Variants in GPC6 observed in about 807,000 individuals in gnomAD.
GPC6 encodes the protein glypican-6.
GPC6 carries 14 observed loss-of-function variants against 55.2 expected under a neutral mutation model. That is an observed-to-expected ratio of 0.25 (90% CI 0.17 to 0.40). The LOEUF is 0.40. GPC6 is among the 10% of genes least tolerant of loss of function. The pLI, the probability that GPC6 is intolerant of heterozygous loss-of-function variation, is 1.00. For synonymous variants in GPC6, 278 were observed against 259.6 expected (o/e 1.07, Z -0.68); for missense variants, 641 against 708.5 (o/e 0.90, Z 1.08).
chr13:93,787,684 G>A (rs999646285), intron 2 of GPC6, among the ~76,000 whole-genome samples: 4 of 152,156 alleles, frequency 2.6e-5, no homozygotes, highest in African/African-American at 4.8e-5. Context: ...GCTAGGAACA[G>A]TTGATTTATT....
At chr13:93,382,556 T>C (rs1875224974) in intron 1 of GPC6, among the ~76,000 whole-genome samples, 2 of 152,206 alleles carry the variant, frequency 1.3e-5, no homozygotes. Context: ...TATGTTGTTA[T>C]AATTTCTGCA....
At chr13:93,642,815 T>C (rs893475118) in intron 2 of GPC6, among the ~76,000 whole-genome samples, 20 of 152,120 alleles carry the variant, frequency 1.3e-4, no homozygotes, top group African/African-American at 4.8e-4. Context: ...TGTTTAACAG[T>C]ATTCTACGGC....
intron 3 of GPC6, among the ~76,000 whole-genome samples, chr13:94,020,261 G>T (rs1882645928): frequency 6.6e-6 from 1 of 152,000 alleles, no homozygotes; most frequent in East Asian, 1.9e-4. Context: ...AAACGTATGT[G>T]GTTTAATTTT....
chr13:93,988,105 G>A (rs1166845915), intron 3 of GPC6, among the ~76,000 whole-genome samples: 2 of 152,168 alleles, frequency 1.3e-5, no homozygotes, highest in Non-Finnish European at 2.9e-5. Context: ...ACCACGGGTA[G>A]TTTTTAAAGA....
intron 4 of GPC6, among the ~76,000 whole-genome samples, chr13:94,104,681 C>G (rs1885988024): frequency 6.6e-6 from 1 of 152,050 alleles, no homozygotes; most frequent in Non-Finnish European, 1.5e-5. Context: ...AACAGACAAA[C>G]AGAGAGCCAA....
chr13:93,979,965 G>T (rs917125060), intron 3 of GPC6, among the ~76,000 whole-genome samples: 1 of 151,996 alleles, frequency 6.6e-6, no homozygotes, highest in Non-Finnish European at 1.5e-5. Context: ...CAAGTACTAA[G>T]AAGATGTGAC....
intron 2 of GPC6, among the ~76,000 whole-genome samples, chr13:93,566,716 GC>G (rs1275872075): frequency 6.6e-6 from 1 of 150,982 alleles, no homozygotes; most frequent in Admixed American, 6.6e-5. Context: ...CCCTCCCCTT[GC>G]CCCCTCCCCT....
chr13:93,350,348 T>A (rs1339400164), intron 1 of GPC6, among the ~76,000 whole-genome samples: 4 of 152,198 alleles, frequency 2.6e-5, no homozygotes, highest in Admixed American at 2.0e-4. Flanking sequence ...GCAGGAAAAT[T>A]GCTTAAACCC....
intron 1 of GPC6, among the ~76,000 whole-genome samples, chr13:93,335,083 C>T (rs889792206): frequency 6.6e-6 from 1 of 152,148 alleles, no homozygotes; most frequent in South Asian, 2.1e-4. Flanking sequence ...AAAATCATTC[C>T]TCAAGTTTAT....
intron 1 of GPC6, among the ~76,000 whole-genome samples, chr13:93,328,977 C>T (rs1879750293): frequency 1.3e-5 from 2 of 152,070 alleles, no homozygotes. Context: ...TTCTGATACC[C>T]TATATAGGTC....
At chr13:93,883,661 T>C (rs529794808) in intron 3 of GPC6, among the ~76,000 whole-genome samples, 1 of 152,238 alleles carries the variant, frequency 6.6e-6, no homozygotes, top group East Asian at 1.9e-4. Flanking sequence ...CTTTGTTTTT[T>C]TCTTTAACTA....
intron 2 of GPC6, among the ~76,000 whole-genome samples, chr13:93,814,311 AT>A: frequency 6.6e-6 from 1 of 152,314 alleles, no homozygotes; most frequent in East Asian, 1.9e-4. Context: ...TTTTAAAAGC[AT>A]GTTTTAATTA....
chr13:93,738,389 T>C (rs1884074641), intron 2 of GPC6, among the ~76,000 whole-genome samples: 1 of 152,214 alleles, frequency 6.6e-6, no homozygotes, highest in Non-Finnish European at 1.5e-5. Context: ...ACAGTGACCA[T>C]AAAGAATGAT....
intron 2 of GPC6, among the ~76,000 whole-genome samples, chr13:93,638,310 T>A (rs77522368): frequency 0.023 from 3,533 of 152,192 alleles, 74 homozygotes; most frequent in East Asian, 0.077. Flanking sequence ...ATTTTAACTA[T>A]TCATGATAGT....
chr13:93,421,736 G>T (rs1876931029), intron 1 of GPC6, among the ~76,000 whole-genome samples: 1 of 152,086 alleles, frequency 6.6e-6, no homozygotes, highest in Non-Finnish European at 1.5e-5. Flanking sequence ...TGACTAAAAT[G>T]GCTGTCTTGC....
At chr13:93,968,309 G>A (rs1880137473) in intron 3 of GPC6, among the ~76,000 whole-genome samples, 1 of 152,120 alleles carries the variant, frequency 6.6e-6, no homozygotes, top group African/African-American at 2.4e-5. Context: ...AAAATATAAA[G>A]TGTGGATGAT....
At chr13:93,929,865 AAAG>A (rs1315710739) in intron 3 of GPC6, among the ~76,000 whole-genome samples, 4 of 152,030 alleles carry the variant, frequency 2.6e-5, no homozygotes, top group Non-Finnish European at 2.9e-5. Context: ...GAAGAAAAGA[AAAG>A]AAGAGAAGAG....
chr13:93,346,223 A>G (rs1339544466), intron 1 of GPC6, among the ~76,000 whole-genome samples: 2 of 152,178 alleles, frequency 1.3e-5, no homozygotes, highest in Non-Finnish European at 2.9e-5. Flanking sequence ...TTTGACATCT[A>G]TGATGTCCAT....
chr13:93,475,588 T>C (rs1879274825), intron 1 of GPC6, among the ~76,000 whole-genome samples: 1 of 152,192 alleles, frequency 6.6e-6, no homozygotes, highest in African/African-American at 2.4e-5. Flanking sequence ...GAGGCAACGA[T>C]CTATGTGGCT....
Sources: gnomAD v4.1 joint callset for allele counts (sites outside exome capture counted in the v4.1 genomes callset) on GRCh38, gnomAD v4.1.1 for gene constraint, MANE v1.5 for transcripts, NCBI Gene and HGNC (gene_info 2026-07-23, HGNC 2026-07-21) for gene names.